Variants in ASTN2 observed in about 807,000 individuals in gnomAD.
ASTN2 encodes the protein astrotactin-2.
ASTN2 carries 54 observed loss-of-function variants against 139.8 expected under a neutral mutation model. That is an observed-to-expected ratio of 0.39 (90% CI 0.31 to 0.48). The LOEUF is 0.48. Ranked by LOEUF, ASTN2 falls within the 20% of genes least tolerant of loss-of-function variation. ASTN2 has a pLI of 0.95. For synonymous variants in ASTN2, 756 were observed against 719.5 expected (o/e 1.05, Z -0.81); for missense variants, 1,565 against 1,725.1 (o/e 0.91, Z 1.64).
chr9:116,534,112 T>G (rs1851496704), intron 19 of ASTN2, among the ~76,000 whole-genome samples: 1 of 152,206 alleles, frequency 6.6e-6, no homozygotes. Context: ...GTCCAGGAAT[T>G]TATCCATTTT....
At chr9:116,750,811 T>A (rs1160091916) in intron 13 of ASTN2, among the ~76,000 whole-genome samples, 1 of 152,170 alleles carries the variant, frequency 6.6e-6, no homozygotes, top group Admixed American at 6.5e-5. Context: ...TACATGCTGT[T>A]ACAGGACAGC....
chr9:117,040,988 T>G (rs1838549425), intron 5 of ASTN2, among the ~76,000 whole-genome samples: 1 of 152,190 alleles, frequency 6.6e-6, no homozygotes, highest in South Asian at 2.1e-4. Flanking sequence ...AAAGTCAAGC[T>G]TATCCATAGC....
intron 19 of ASTN2, among the ~76,000 whole-genome samples, chr9:116,504,821 G>A (rs1013834618): frequency 3.4e-5 from 5 of 146,404 alleles, no homozygotes; most frequent in Admixed American, 2.8e-4. Context: ...ACTTGAGCCT[G>A]GGAAGTCAAG....
chr9:116,660,168 GCACACACACACACA>G (rs3041004), intron 16 of ASTN2, among the ~76,000 whole-genome samples: 14 of 146,686 alleles, frequency 9.5e-5, no homozygotes, highest in Admixed American at 2.7e-4. Context: ...TATTGCAAGC[GCACACACACACACA>G]CACACACACA....
At chr9:117,371,353 T>G (rs541615322) in intron 1 of ASTN2, among the ~76,000 whole-genome samples, 1 of 152,302 alleles carries the variant, frequency 6.6e-6, no homozygotes, top group Non-Finnish European at 1.5e-5. Context: ...TTTAATATGG[T>G]AACATCCCTC....
intron 1 of ASTN2, among the ~76,000 whole-genome samples, chr9:117,293,063 G>T (rs1467818664): frequency 1.3e-5 from 2 of 151,854 alleles, no homozygotes; most frequent in Non-Finnish European, 2.9e-5. Flanking sequence ...GATAGGAACA[G>T]GATCTAATTC....
intron 1 of ASTN2, among the ~76,000 whole-genome samples, chr9:117,354,928 C>A (rs1443596504): frequency 9.9e-5 from 15 of 152,188 alleles, no homozygotes; most frequent in Non-Finnish European, 2.1e-4. Context: ...TCCTTCAAGG[C>A]ATTTGCCCTA....
intron 11 of ASTN2, among the ~76,000 whole-genome samples, chr9:116,851,633 C>A (rs2296674): frequency 1.9e-3 from 287 of 151,992 alleles, no homozygotes; most frequent in African/African-American, 6.4e-3. Flanking sequence ...CTCTATATGT[C>A]CTAAATATTC....
At chr9:117,294,701 A>G (rs571886774) in intron 1 of ASTN2, among the ~76,000 whole-genome samples, 31 of 152,236 alleles carry the variant, frequency 2.0e-4, no homozygotes, top group South Asian at 1.2e-3. Context: ...CTCTCCATTG[A>G]CCATGGTCCA....
intron 6 of ASTN2, among the ~76,000 whole-genome samples, chr9:117,028,659 G>A (rs1838165447): frequency 6.6e-6 from 1 of 152,126 alleles, no homozygotes; most frequent in African/African-American, 2.4e-5. Flanking sequence ...ATCCTTCTAA[G>A]CTGTCTTCAA....
intron 13 of ASTN2, among the ~76,000 whole-genome samples, chr9:116,769,013 C>CTT (rs1829887777): frequency 6.6e-6 from 1 of 152,110 alleles, no homozygotes; most frequent in Admixed American, 6.6e-5. Flanking sequence ...ATATACCTTA[C>CTT]TTTACTATAA....
intron 7 of ASTN2, among the ~76,000 whole-genome samples, chr9:116,996,804 T>C (rs1169305510): frequency 6.6e-6 from 1 of 152,160 alleles, no homozygotes; most frequent in African/African-American, 2.4e-5. Context: ...GATAATATAT[T>C]TATTGTAAGG....
At chr9:117,102,690 T>C (rs1829009397) in intron 4 of ASTN2, among the ~76,000 whole-genome samples, 1 of 151,978 alleles carries the variant, frequency 6.6e-6, no homozygotes, top group African/African-American at 2.4e-5. Flanking sequence ...GCCCAGCTAA[T>C]TTTGTATTTT....
intron 10 of ASTN2, among the ~76,000 whole-genome samples, chr9:116,943,118 A>T (rs1485927169): frequency 6.6e-6 from 1 of 152,236 alleles, no homozygotes; most frequent in East Asian, 1.9e-4. Flanking sequence ...GGGGATAAAA[A>T]GATGAATAAG....
chr9:117,291,253 C>G, intron 2 of ASTN2, 73 bp downstream of exon 2: 1 of 1,546,914 alleles, frequency 6.5e-7, no homozygotes, highest in Non-Finnish European at 8.8e-7. Context: ...GACAATCCCC[C>G]GCCCCCTCCA....
intron 6 of ASTN2, among the ~76,000 whole-genome samples, chr9:117,028,345 G>A (rs748746498): frequency 2.6e-5 from 4 of 152,146 alleles, no homozygotes; most frequent in Non-Finnish European, 5.9e-5. Flanking sequence ...AGATATATTT[G>A]GCTTACATAA....
intron 2 of ASTN2, among the ~76,000 whole-genome samples, chr9:117,283,582 G>A (rs1834377444): frequency 6.6e-6 from 1 of 152,160 alleles, no homozygotes; most frequent in Non-Finnish European, 1.5e-5. Context: ...AAGGGGATGT[G>A]ACTTGCATAA....
At chr9:117,060,153 A>G (rs913813913) in intron 5 of ASTN2, among the ~76,000 whole-genome samples, 2 of 151,570 alleles carry the variant, frequency 1.3e-5, no homozygotes, top group African/African-American at 2.4e-5. Context: ...TCTACTAAAA[A>G]TACAAAAATT....
intron 3 of ASTN2, among the ~76,000 whole-genome samples, chr9:117,143,448 A>G (rs1830121084): frequency 6.6e-6 from 1 of 152,198 alleles, no homozygotes; most frequent in African/African-American, 2.4e-5. Context: ...AAAGTCCAGA[A>G]TAAGCCACAG....
Sources: allele counts gnomAD v4.1 joint callset (sites outside exome capture counted in the v4.1 genomes callset), GRCh38; gene constraint gnomAD v4.1.1; transcripts MANE v1.5; gene names NCBI Gene and HGNC (gene_info 2026-07-23, HGNC 2026-07-21).